The following COL4A5 variants were observed in gnomAD, a reference collection of about 807,000 sequenced individuals.
COL4A5 encodes collagen type IV alpha 5 chain.
COL4A5 carries 26 observed loss-of-function variants against 130.2 expected under a neutral mutation model. The observed-to-expected ratio is 0.20, with a 90% CI of 0.15 to 0.28. The LOEUF (loss-of-function observed/expected upper bound fraction) is 0.28, where lower values mean the gene tolerates loss of function less well. COL4A5 is among the 10% of genes least tolerant of loss of function. The pLI is 1.00. For missense variants in COL4A5, 1,131 were observed against 1,344.3 expected (o/e 0.84, Z 2.48); for synonymous variants, 496 against 439.6 (o/e 1.13, Z -1.60).
At chrX:108,491,253 C>T (rs1188200242) in intron 1 of COL4A5, among the ~76,000 whole-genome samples, 2 of 111,140 alleles carry the variant, frequency 1.8e-5, no homozygotes, top group Non-Finnish European at 3.8e-5. Context: ...TCCCTTTTGC[C>T]CCACAGACTC....
At chrX:108,451,613 T>C (rs1481185990) in intron 1 of COL4A5, among the ~76,000 whole-genome samples, 1 of 110,321 alleles carries the variant, frequency 9.1e-6, no homozygotes, top group Admixed American at 9.6e-5. Flanking sequence ...GAGCATTTTT[T>C]CATGTGTTTT....
Position 108,440,029 on chromosome X carries a change from A to G in COL4A5, c.-97A>G. 1 of 648,374 alleles carries G rather than the reference A, an allele frequency of 1.5e-6. No homozygotes were observed. The highest frequency in any genetic ancestry group is 2.5e-6 in the Non-Finnish European group (1 of 401,437). 53.4% of individuals were successfully genotyped at this position (648,374 alleles called of 1,213,427 possible). On this transcript the variant is annotated 5_prime_UTR_variant, in exon 1 of 53. Transcript: ENST00000328300. ...AGCCTCACTGTCCCTCTCCGGCTCT[A>G]GCTCTCTCCATATAAACCCTCAAGA...
chrX:108,550,251 C>A (rs1370744194), intron 2 of COL4A5, among the ~76,000 whole-genome samples: 2 of 111,373 alleles, frequency 1.8e-5, no homozygotes, highest in Non-Finnish European at 3.8e-5. Flanking sequence ...GACTAGTATC[C>A]CTCATGAGCA....
At chrX:108,636,073 A>G (rs770170276) in intron 36 of COL4A5, among the ~76,000 whole-genome samples, 9 of 111,943 alleles carry the variant, frequency 8.0e-5, no homozygotes, top group Admixed American at 1.9e-4. Flanking sequence ...TCAACATCAC[A>G]TAATATACCC....
At position 108,541,052 on chromosome X, in the gene COL4A5, A is replaced by T. The variant is rs190618544; in HGVS notation, c.141+1247A>T. Among the ~76,000 whole-genome samples, 7 of 112,062 alleles carry T rather than the reference A, an allele frequency of 6.2e-5. No homozygotes were observed. In the Admixed American group the frequency reaches 6.6e-4, roughly 11 times the overall value. ...GGCATAATCTACTTAGAGGTATAGA[A>T]GGTACGTTAGCATATTAGACATTCT... On this transcript the variant is annotated intron_variant, in intron 2 of 52. Transcript: ENST00000328300.
intron 1 of COL4A5, among the ~76,000 whole-genome samples, chrX:108,505,769 T>C (rs755038107): frequency 8.9e-5 from 10 of 112,208 alleles, no homozygotes; most frequent in Non-Finnish European, 1.5e-4. Context: ...CAGTCTACAA[T>C]ATTTTGTTTT....
chrX:108,520,437 A>C (rs1425978615), intron 1 of COL4A5, among the ~76,000 whole-genome samples: 1 of 111,668 alleles, frequency 9.0e-6, no homozygotes, highest in Non-Finnish European at 1.9e-5. Flanking sequence ...AAATCTTTCT[A>C]CATTTTTACA....
At chrX:108,686,716 T>C (rs1300707065) in intron 48 of COL4A5, among the ~76,000 whole-genome samples, 1 of 112,038 alleles carries the variant, frequency 8.9e-6, no homozygotes, top group Non-Finnish European at 1.9e-5. Flanking sequence ...AACGTTAAGG[T>C]TTCTAAAATA....
At chrX:108,473,633 A>ATTTTTT (rs1203616884) in intron 1 of COL4A5, among the ~76,000 whole-genome samples, 30 of 34,534 alleles carry the variant, frequency 8.7e-4, no homozygotes, top group African/African-American at 1.7e-3. Context: ...ATATATATAT[A>ATTTTTT]TTTTTTTTTT....
At chrX:108,526,841 C>T (rs1364101328) in intron 1 of COL4A5, among the ~76,000 whole-genome samples, 1 of 104,100 alleles carries the variant, frequency 9.6e-6, no homozygotes, top group Non-Finnish European at 2.0e-5. Flanking sequence ...AATCATGGCT[C>T]ACTGCAGCCT....
chrX:108,502,776 C>A (rs751917818), intron 1 of COL4A5, among the ~76,000 whole-genome samples: 1 of 111,767 alleles, frequency 8.9e-6, no homozygotes, highest in African/African-American at 3.2e-5. Context: ...CCAAAAGCTC[C>A]TTTTGTGGAC....
At chrX:108,551,583 T>G (rs1452703538) in intron 2 of COL4A5, among the ~76,000 whole-genome samples, 1 of 112,322 alleles carries the variant, frequency 8.9e-6, no homozygotes, top group Non-Finnish European at 1.9e-5. Context: ...TAAATTTAAA[T>G]TAGTTCACCC....
chrX:108,553,160 G>T (rs1482007364), intron 2 of COL4A5, among the ~76,000 whole-genome samples: 1 of 111,502 alleles, frequency 9.0e-6, no homozygotes, highest in Non-Finnish European at 1.9e-5. Context: ...GAAAATCCTT[G>T]TGACTTTGGG....
At chrX:108,620,754 G>T (rs992608213) in intron 31 of COL4A5, among the ~76,000 whole-genome samples, 13 of 111,870 alleles carry the variant, frequency 1.2e-4, no homozygotes, top group African/African-American at 4.2e-4. Context: ...TGCCCCAGCT[G>T]GAGTGTTTGG....
At chrX:108,444,660 A>G (rs1050181598) in intron 1 of COL4A5, among the ~76,000 whole-genome samples, 3 of 112,150 alleles carry the variant, frequency 2.7e-5, no homozygotes, top group African/African-American at 6.5e-5. Flanking sequence ...CTGAGGTGTC[A>G]TTGCCTCTAG....
At position 108,580,594 on chromosome X, in the gene COL4A5, C is replaced by G; in HGVS notation, c.834+8C>G. 1 of 1,206,900 alleles carries G rather than the reference C, an allele frequency of 8.3e-7. No homozygotes were observed. Among genetic ancestry groups the G allele is most frequent in the Admixed American group, 2.2e-5 (1 of 45,986 alleles). On this transcript the variant is annotated splice_region_variant and intron_variant, in intron 14 of 52. Transcript: ENST00000328300. Reference sequence around the variant, plus strand: ...GGGATACGTGGTCCTCCAGTAAGTACCTAAAGTGCTTTAGCATCATTTAAT... The same window carrying G: ...GGGATACGTGGTCCTCCAGTAAGTAGCTAAAGTGCTTTAGCATCATTTAAT...
At chrX:108,676,629 A>G (rs946156455) in intron 43 of COL4A5, among the ~76,000 whole-genome samples, 1 of 112,599 alleles carries the variant, frequency 8.9e-6, no homozygotes, top group African/African-American at 3.2e-5. Flanking sequence ...TTAAAAATGA[A>G]TTTTAAAGTA....
chrX:108,526,373 C>G (rs1273370089), intron 1 of COL4A5, among the ~76,000 whole-genome samples: 1 of 111,901 alleles, frequency 8.9e-6, no homozygotes, highest in Non-Finnish European at 1.9e-5. Flanking sequence ...CCCCACTTAT[C>G]ATTGTTTTGC....
chrX:108,552,110 A>T (rs2065761737), intron 2 of COL4A5, among the ~76,000 whole-genome samples: 1 of 111,479 alleles, frequency 9.0e-6, no homozygotes, highest in South Asian at 3.8e-4. Flanking sequence ...TACGACACTC[A>T]CTACCTGGGT....
Sources: allele counts gnomAD v4.1 joint callset (sites outside exome capture counted in the v4.1 genomes callset), GRCh38; gene constraint gnomAD v4.1.1; transcripts MANE v1.5; gene names NCBI Gene and HGNC (gene_info 2026-07-23, HGNC 2026-07-21).